Variants in ANKRD12 observed in about 807,000 individuals in gnomAD.
The protein encoded by ANKRD12 is ankyrin repeat domain-containing protein 12.
A neutral mutation model predicts 183.4 loss-of-function variants in ANKRD12; 85 were observed. The ratio of observed to expected loss-of-function variants is 0.46; its 90% CI spans 0.39 to 0.56. The LOEUF (loss-of-function observed/expected upper bound fraction) is 0.56. Among genes scored for constraint, ANKRD12 ranks in the 20% least tolerant of loss-of-function variants. ANKRD12 has a pLI of 0.00. For missense variants in ANKRD12, 2,405 were observed against 2,357.1 expected (o/e 1.02, Z -0.42); for synonymous variants, 914 against 800.2 (o/e 1.14, Z -2.40).
At chr18:9,156,719 A>C (rs1354001663) in intron 1 of ANKRD12, among the ~76,000 whole-genome samples, 1 of 152,230 alleles carries the variant, frequency 6.6e-6, no homozygotes, top group African/African-American at 2.4e-5. Context: ...GAAACAGCCC[A>C]ATATCCACTC....
At position 9,239,172 on chromosome 18, in the gene ANKRD12, T is replaced by C. The variant is rs569404875; in HGVS notation, c.944-15039T>C. ...AAAGGTAAAAATTGTTTATATGATA[T>C]GTTAACTGTTATGCTATTCTAAATA... On this transcript the variant is annotated intron_variant, in intron 8 of 12. Coordinates refer to ENST00000262126, the MANE Select transcript of ANKRD12 (RefSeq NM_015208.5). 1.2e-4 allele frequency among the ~76,000 whole-genome samples: 19 copies of C among 152,338 alleles called. No homozygotes were observed. In the East Asian group the frequency reaches 1.9e-3, roughly 15 times the overall value.
chr18:9,244,308 A>G (rs867094973), intron 8 of ANKRD12, among the ~76,000 whole-genome samples: 19 of 152,174 alleles, frequency 1.2e-4, no homozygotes, highest in African/African-American at 4.6e-4. Flanking sequence ...ATTCAAATAT[A>G]TTGCTTTTTA....
chr18:9,279,745 T>C, intron 12 of ANKRD12, 101 bp downstream of exon 12: 11 of 577,384 alleles, frequency 1.9e-5, no homozygotes, highest in East Asian at 3.3e-5. Flanking sequence ...GGAGGGGAAA[T>C]ACTGGTTAGT....
intron 1 of ANKRD12, among the ~76,000 whole-genome samples, chr18:9,140,116 A>G (rs2078266261): frequency 6.6e-6 from 1 of 152,248 alleles, no homozygotes; most frequent in Non-Finnish European, 1.5e-5. Context: ...TTAAAAATAC[A>G]AAAATAATAG....
chr18:9,191,855 C>T (rs1263430652), intron 2 of ANKRD12, among the ~76,000 whole-genome samples: 1 of 152,158 alleles, frequency 6.6e-6, no homozygotes, highest in African/African-American at 2.4e-5. Flanking sequence ...CTAATCACCC[C>T]AGAACCAGGC....
chr18:9,246,743 C>T (rs2037986031), intron 8 of ANKRD12, among the ~76,000 whole-genome samples: 3 of 152,218 alleles, frequency 2.0e-5, no homozygotes, highest in Admixed American at 2.0e-4. Context: ...ATACATTCGT[C>T]TCTTTTTTGT....
chr18:9,273,064 T>C (rs567675654), intron 10 of ANKRD12, among the ~76,000 whole-genome samples: 2 of 152,316 alleles, frequency 1.3e-5, no homozygotes, highest in East Asian at 1.9e-4. Context: ...GTTATTAAAC[T>C]GGCGAGTTCC....
At chr18:9,166,412 T>G (rs997828810) in intron 1 of ANKRD12, among the ~76,000 whole-genome samples, 1 of 152,204 alleles carries the variant, frequency 6.6e-6, no homozygotes, top group Admixed American at 6.5e-5. Flanking sequence ...TGATTGCCAT[T>G]CTGACTGGTG....
At chr18:9,231,824 C>CAA (rs60799678) in intron 8 of ANKRD12, among the ~76,000 whole-genome samples, 8,541 of 101,976 alleles carry the variant, frequency 0.084, 613 homozygotes, top group African/African-American at 0.16. Flanking sequence ...GACTCTGTCT[C>CAA]AAAAAAAAAA....
At chr18:9,247,143 A>G (rs2038008498) in intron 8 of ANKRD12, among the ~76,000 whole-genome samples, 1 of 149,336 alleles carries the variant, frequency 6.7e-6, no homozygotes, top group Admixed American at 6.6e-5. Flanking sequence ...TGAAATAATG[A>G]TTTTGTTTGT....
rs1165029248 is a variant in ANKRD12 at position 9,195,605 on chromosome 18, G to A, written c.142G>A (p.Val48Met). 2 of 1,612,058 alleles carry A rather than the reference G, an allele frequency of 1.2e-6. No individual in the cohort carries two copies. Among genetic ancestry groups the A allele is most frequent in the East Asian group, 4.5e-5 (2 of 44,646 alleles). ...SKTPKIERSD[V>M]SKEMKEKSSM... is the part of the protein sequence containing the mutation. ...AACTCCAAAAATTGAACGAAGTGAT[G>A]TGAGCAAGGAGATGAAAGAGAAATC... is the stretch of plus-strand genomic sequence containing the variant. The change falls in exon 3 of 13, where the codon GTG (valine) becomes ATG (methionine). Residue 48 changes from valine to methionine, a missense_variant. Physicochemically the swap from Val to Met is conservative, Grantham distance 21. Transcript: ENST00000262126.
At chr18:9,205,117 C>T (rs758091756) in intron 4 of ANKRD12, among the ~76,000 whole-genome samples, 1 of 152,154 alleles carries the variant, frequency 6.6e-6, no homozygotes, top group Non-Finnish European at 1.5e-5. Flanking sequence ...TGCAACCTCT[C>T]TATTAAGCTA....
intron 6 of ANKRD12, among the ~76,000 whole-genome samples, chr18:9,212,641 A>G (rs62085926): frequency 0.11 from 16,853 of 151,912 alleles, 1,095 homozygotes; most frequent in African/African-American, 0.16. Flanking sequence ...AAATTGCTAA[A>G]TCAATGGAGA....
chr18:9,278,378 T>A (rs1030956105), intron 11 of ANKRD12, among the ~76,000 whole-genome samples: 2 of 152,204 alleles, frequency 1.3e-5, no homozygotes, highest in Admixed American at 1.3e-4. Flanking sequence ...TAAACTTGTT[T>A]GAGCACCTGA....
At chr18:9,144,146 TC>T (rs1228867880) in intron 1 of ANKRD12, among the ~76,000 whole-genome samples, 1 of 152,206 alleles carries the variant, frequency 6.6e-6, no homozygotes, top group African/African-American at 2.4e-5. Context: ...TCTCTTTTTT[TC>T]TTACTCAAAA....
chr18:9,219,532 G>A (rs2036296381), intron 7 of ANKRD12, among the ~76,000 whole-genome samples: 1 of 151,888 alleles, frequency 6.6e-6, no homozygotes, highest in Non-Finnish European at 1.5e-5. Context: ...TTCAATAAAG[G>A]GCCAAATAGT....
intron 8 of ANKRD12, among the ~76,000 whole-genome samples, chr18:9,246,128 AT>A (rs2037950086): frequency 6.6e-6 from 1 of 152,074 alleles, no homozygotes; most frequent in Admixed American, 6.6e-5. Context: ...ACTAATGCTT[AT>A]TTTCAGTGAA....
intron 1 of ANKRD12, among the ~76,000 whole-genome samples, chr18:9,147,643 T>C (rs964156173): frequency 6.6e-6 from 1 of 152,180 alleles, no homozygotes; most frequent in African/African-American, 2.4e-5. Context: ...GTGAGAGCAG[T>C]GTGACTAGAG....
rs1387294484 is a variant in ANKRD12, at chr18:9,172,033, A to G, written c.-51-10349A>G. Among the ~76,000 whole-genome samples, 7 of 151,590 alleles carry G rather than the reference A, an allele frequency of 4.6e-5. No homozygotes were observed. The East Asian group carries it at 1.4e-3, about 29-fold the overall frequency. Reference sequence around the variant, plus strand: ...GAAATGAAGCTCCACCTCAAAAAAAAAAAAAAACGAATGTTGAATATTGGT... The same window carrying G: ...GAAATGAAGCTCCACCTCAAAAAAAGAAAAAAACGAATGTTGAATATTGGT... On this transcript the variant is annotated intron_variant, in intron 1 of 12. Transcript: ENST00000262126.
Sources: allele counts gnomAD v4.1 joint callset (sites outside exome capture counted in the v4.1 genomes callset), GRCh38; gene constraint gnomAD v4.1.1; transcripts MANE v1.5; gene names NCBI Gene and HGNC (gene_info 2026-07-23, HGNC 2026-07-21).